Variants in NUFIP2 observed in about 807,000 individuals in gnomAD.
NUFIP2 encodes nuclear FMR1 interacting protein 2.
Under a neutral mutation model 56.9 loss-of-function variants are expected in NUFIP2, and 6 were observed. That is an observed-to-expected ratio of 0.11 (90% CI 0.06 to 0.21). The LOEUF (loss-of-function observed/expected upper bound fraction) is 0.21. Among genes scored for constraint, NUFIP2 ranks in the 10% least tolerant of loss-of-function variants. NUFIP2 has a pLI of 1.00. For missense variants in NUFIP2, 828 were observed against 826.8 expected (o/e 1.00, Z -0.02); for synonymous variants, 321 against 298.2 (o/e 1.08, Z -0.79).
chr17:29,286,769 C>T lies in NUFIP2; in HGVS notation c.1225G>A (p.Val409Ile). ...SQVPMSALKS[V>I]TSANFSNGPV... is the part of the protein sequence containing the mutation. ...CCATTAGAAAAGTTGGCAGAAGTAA[C>T]AGATTTCAGCGCTGACATAGGGACC... Residue 409 changes from valine to isoleucine, a missense_variant, in exon 2 of 4, where the codon GTT (valine) becomes ATT (isoleucine). By Grantham distance (29) the Val-to-Ile change is conservative. Transcript: ENST00000225388. 1.9e-6 allele frequency: 3 copies of T among 1,614,122 alleles called. No individual in the cohort carries two copies. The highest frequency in any genetic ancestry group is 2.5e-6 in the Non-Finnish European group (3 of 1,180,026).
Position 29,263,325 on chromosome 17 carries a change from AT to A in NUFIP2, c.*1213del, listed in dbSNP as rs2069014980. 1 of 152,538 alleles carries A rather than the reference AT, an allele frequency of 6.6e-6. No homozygotes were observed. The highest frequency in any genetic ancestry group is 6.5e-5 in the Admixed American group (1 of 15,274). 9.4% of individuals were successfully genotyped at this position (152,538 alleles called of 1,614,324 possible). A position where few individuals can be genotyped will look rare whatever the true frequency, so the allele number is the denominator to read the frequency against. ...AAGAAAATTTCCAGAATTTCACATT[AT>A]TTTCCTTAAAAACCCATCTTGCTCT... On this transcript the variant is annotated 3_prime_UTR_variant, in exon 4 of 4. Coordinates refer to ENST00000225388, the MANE Select transcript of NUFIP2 (RefSeq NM_020772.3).
intron 2 of NUFIP2, among the ~76,000 whole-genome samples, chr17:29,274,468 C>T (rs59849321): frequency 0.037 from 5,650 of 152,170 alleles, 135 homozygotes; most frequent in African/African-American, 0.07. Context: ...GTGAGACAAC[C>T]GTGTCTTAAA....
rs1430600506 is a variant in NUFIP2 at position 29,261,671 on chromosome 17, T to G, written c.*2868A>C. 6.6e-6 allele frequency: 1 copy of G among 152,528 alleles called. No individual in the cohort carries two copies. Among genetic ancestry groups the G allele is most frequent in the Non-Finnish European group, 1.5e-5 (1 of 67,986 alleles). The allele number at this position is 152,528 out of a possible 1,614,324, so 9.4% of individuals were successfully genotyped here. ...TTAATAAGTGCTCTGTAAGGAATTG[T>G]GTGAGGACCTAAGGAGAAAGATTGC... On this transcript the variant is annotated 3_prime_UTR_variant, in exon 4 of 4. Transcript: ENST00000225388.
chr17:29,258,600 T>C lies in NUFIP2; in HGVS notation c.*5939A>G, dbSNP rs2068984212. Reference sequence around the variant, plus strand: ...AAGCTAAGATTTAAACTATTTTCAGTAGTAGAAGACATTTAAGGCCAAAAA... The same window carrying C: ...AAGCTAAGATTTAAACTATTTTCAGCAGTAGAAGACATTTAAGGCCAAAAA... On this transcript the variant is annotated 3_prime_UTR_variant, in exon 4 of 4. Coordinates refer to ENST00000225388, the MANE Select transcript of NUFIP2 (RefSeq NM_020772.3). The C allele has an allele frequency of 6.6e-6, 1 of 152,204 alleles. No individual in the cohort carries two copies. The highest frequency in any genetic ancestry group is 1.5e-5 in the Non-Finnish European group (1 of 68,024). 9.4% of individuals were successfully genotyped at this position (152,204 alleles called of 1,614,324 possible). A position where few individuals can be genotyped will look rare whatever the true frequency, so the allele number is the denominator to read the frequency against.
At chr17:29,281,372 G>A (rs2069138492) in intron 2 of NUFIP2, among the ~76,000 whole-genome samples, 1 of 148,254 alleles carries the variant, frequency 6.7e-6, no homozygotes, top group Non-Finnish European at 1.5e-5. Context: ...CACACCTGTG[G>A]TCCCAGCTAC....
At chr17:29,273,897 A>G (rs1598431767) in intron 2 of NUFIP2, among the ~76,000 whole-genome samples, 1 of 152,148 alleles carries the variant, frequency 6.6e-6, no homozygotes, top group East Asian at 1.9e-4. Flanking sequence ...TGCTTCCTAT[A>G]GCGAAATGTC....
At chr17:29,273,895 A>G (rs984386002) in intron 2 of NUFIP2, among the ~76,000 whole-genome samples, 2 of 152,116 alleles carry the variant, frequency 1.3e-5, no homozygotes, top group Non-Finnish European at 1.5e-5. Flanking sequence ...AATGCTTCCT[A>G]TAGCGAAATG....
intron 2 of NUFIP2, among the ~76,000 whole-genome samples, chr17:29,281,705 A>C (rs977564467): frequency 3.3e-5 from 5 of 150,386 alleles, no homozygotes; most frequent in Non-Finnish European, 5.9e-5. Context: ...AAAAAAAAAA[A>C]AAAACAGCTA....
In NUFIP2 at chr17:29,286,154, A is replaced by C. The variant is rs752393146; in HGVS notation, c.1840T>G (p.Phe614Val). The change falls in exon 2 of 4, where the codon TTT becomes GTT. Residue 614 changes from phenylalanine (F) to valine (V), a missense_variant. This residue lies in a region of NUFIP2 where 404 missense variants were observed against 380.3 expected (regional missense o/e 1.06). Transcript: ENST00000225388. ...TCTATCTCGTAGTCCTTTGAGAGAA[A>C]CACTAAAGCACCTTGACTACTGGTG... ...ADTSSQGALV[F>V]LSKDYEIESQ... The C allele has an allele frequency of 6.2e-7, 1 of 1,614,130 alleles. No individual in the cohort carries two copies. Among genetic ancestry groups the C allele is most frequent in the South Asian group, 1.1e-5 (1 of 91,090 alleles).
At position 29,272,669 on chromosome 17, in the gene NUFIP2, C is replaced by T. The variant is rs182281467; in HGVS notation, c.2003-5139G>A. 3.9e-5 allele frequency among the ~76,000 whole-genome samples: 6 copies of T among 152,216 alleles called. No individual in the cohort carries two copies. In the East Asian group the frequency reaches 1.2e-3, roughly 29 times the overall value. On this transcript the variant is annotated intron_variant, in intron 2 of 3. Coordinates refer to ENST00000225388, the MANE Select transcript of NUFIP2 (RefSeq NM_020772.3). ...ACACATACAAGTTGAGTATCCTTAT[C>T]TGAAATGTTTGGGACCAGAAGTGTT...
rs1440108417 is a variant in NUFIP2 at position 29,286,699 on chromosome 17, C to A, written c.1295G>T (p.Gly432Val). The change falls in exon 2 of 4, where the codon GGT becomes GTT. Residue 432 changes from glycine (G) to valine (V), a missense_variant. Gly to Val is a moderately radical substitution (Grantham distance 109, BLOSUM62 -3). Transcript: ENST00000225388. ...GTDGNVYPPG[G>V]QPLLTTAANT... ...AGCAGCAGTAGTTAGCAGTGGCTGA[C>A]CCCCTGGAGGATAAACATTTCCATC... 2 of 1,614,094 alleles carry A rather than the reference C, an allele frequency of 1.2e-6. No homozygotes were observed. Among genetic ancestry groups the A allele is most frequent in the Middle Eastern group, 1.6e-4 (1 of 6,062 alleles).
At position 29,261,960 on chromosome 17, in the gene NUFIP2, GAC is replaced by G. The variant is rs2069005775; in HGVS notation, c.*2577_*2578del. On this transcript the variant is annotated 3_prime_UTR_variant, in exon 4 of 4. Transcript: ENST00000225388. ...TGAGACTCTCAAAAACCTTTGGACA[GAC>G]AGAGAAGTGATACATTCTTTTTGGC... 1 of 145,648 alleles carries G rather than the reference GAC, an allele frequency of 6.9e-6. No homozygotes were observed. The highest frequency in any genetic ancestry group is 2.3e-4 in the South Asian group (1 of 4,370). 9.0% of individuals were successfully genotyped at this position (145,648 alleles called of 1,614,324 possible). A position where few individuals can be genotyped will look rare whatever the true frequency, so the allele number is the denominator to read the frequency against.
chr17:29,277,439 A>T (rs2069114535), intron 2 of NUFIP2, among the ~76,000 whole-genome samples: 1 of 152,234 alleles, frequency 6.6e-6, no homozygotes, highest in South Asian at 2.1e-4. Context: ...AAATCAATTT[A>T]TCACTAATCA....
At chr17:29,274,322 TA>T in intron 2 of NUFIP2, among the ~76,000 whole-genome samples, 7 of 152,134 alleles carry the variant, frequency 4.6e-5, no homozygotes, top group African/African-American at 1.7e-4. Context: ...ATTTAAAAAC[TA>T]GCTGGGTGTG....
At chr17:29,277,807 G>A (rs1184902373) in intron 2 of NUFIP2, among the ~76,000 whole-genome samples, 1 of 152,130 alleles carries the variant, frequency 6.6e-6, no homozygotes, top group African/African-American at 2.4e-5. Flanking sequence ...GAGGTCAGGA[G>A]TTTGAGACCA....
At position 29,263,313 on chromosome 17, in the gene NUFIP2, G is replaced by A. The variant is rs183694203; in HGVS notation, c.*1226C>T. 4 of 152,546 alleles carry A rather than the reference G, an allele frequency of 2.6e-5. No homozygotes were observed. The East Asian group carries it at 5.8e-4, about 22-fold the overall frequency. The allele number at this position is 152,546 out of a possible 1,614,324, so 9.4% of individuals were successfully genotyped here. On this transcript the variant is annotated 3_prime_UTR_variant, in exon 4 of 4. Transcript: ENST00000225388. ...TTCTCTGCCCCAAAGAAAATTTCCAGAATTTCACATTATTTTCCTTAAAAA... is the reference window on the plus strand; with the variant it reads ...TTCTCTGCCCCAAAGAAAATTTCCAAAATTTCACATTATTTTCCTTAAAAA...
At chr17:29,272,240 C>CTTT (rs750900881) in intron 2 of NUFIP2, among the ~76,000 whole-genome samples, 16 of 133,140 alleles carry the variant, frequency 1.2e-4, no homozygotes, top group African/African-American at 4.1e-4. Flanking sequence ...GAAATGTGTT[C>CTTT]TTTTTTTTTT....
chr17:29,275,156 G>A (rs112083147), intron 2 of NUFIP2, among the ~76,000 whole-genome samples: 1 of 151,972 alleles, frequency 6.6e-6, no homozygotes, highest in Non-Finnish European at 1.5e-5. Context: ...AAGCAGCTGG[G>A]ATTATAGGCA....
chr17:29,258,034 G>A lies in NUFIP2; in HGVS notation c.*6505C>T, dbSNP rs758164741. 2 of 152,018 alleles carry A rather than the reference G, an allele frequency of 1.3e-5. No homozygotes were observed. Among genetic ancestry groups the A allele is most frequent in the Admixed American group, 6.6e-5 (1 of 15,256 alleles). The allele number at this position is 152,018 out of a possible 1,614,324, so 9.4% of individuals were successfully genotyped here. A position where few individuals can be genotyped will look rare whatever the true frequency, so the allele number is the denominator to read the frequency against. ...AATTAGTGAGGTGGTAAGAACCATCGACTATCTCAGGCATTACTACATGGC... is the reference window on the plus strand; with the variant it reads ...AATTAGTGAGGTGGTAAGAACCATCAACTATCTCAGGCATTACTACATGGC... On this transcript the variant is annotated 3_prime_UTR_variant, in exon 4 of 4. Transcript: ENST00000225388.
Sources: allele counts gnomAD v4.1 joint callset (sites outside exome capture counted in the v4.1 genomes callset), GRCh38; gene constraint gnomAD v4.1.1; regional missense constraint gnomAD v4.1.1; transcripts MANE v1.5; gene names NCBI Gene and HGNC (gene_info 2026-07-23, HGNC 2026-07-21).